MYOF: variants seen among roughly 807,000 people sequenced by gnomAD.
The protein encoded by MYOF is fer-1-like 3, myoferlin.
MYOF carries 244 observed loss-of-function variants against 284.2 expected under a neutral mutation model. The observed-to-expected ratio is 0.86, with a 90% CI of 0.77 to 0.95. The LOEUF is 0.95. Among genes scored for constraint, MYOF ranks in the 40% least tolerant of loss-of-function variants. MYOF has a pLI of 0.00. For synonymous variants in MYOF, 904 were observed against 919.7 expected (o/e 0.98, Z 0.31); for missense variants, 2,496 against 2,560.6 (o/e 0.97, Z 0.54).
chr10:93,453,446 G>C (rs950742309), intron 2 of MYOF, among the ~76,000 whole-genome samples: 1 of 151,918 alleles, frequency 6.6e-6, no homozygotes, highest in African/African-American at 2.4e-5. Context: ...TTATAGGCGT[G>C]AGCCACCGCA....
intron 21 of MYOF, among the ~76,000 whole-genome samples, chr10:93,379,014 C>T (rs1412072146): frequency 6.6e-6 from 1 of 152,026 alleles, no homozygotes; most frequent in African/African-American, 2.4e-5. Flanking sequence ...CTGCACCTGG[C>T]CCAAGTAACT....
At chr10:93,452,211 A>G (rs2134305913) in intron 2 of MYOF, 70 bp from the exon 3 acceptor site, 6 of 911,444 alleles carry the variant, frequency 6.6e-6, no homozygotes, top group Non-Finnish European at 1.1e-5. Flanking sequence ...TTACACTAAG[A>G]TGCACCAGTA....
intron 2 of MYOF, among the ~76,000 whole-genome samples, chr10:93,453,570 A>G (rs185616105): frequency 0.012 from 1,760 of 151,944 alleles, 33 homozygotes; most frequent in African/African-American, 0.04. Context: ...AAGTGCTGGG[A>G]TTACAGGCAT....
chr10:93,389,588 T>C (rs1401454735), intron 17 of MYOF, among the ~76,000 whole-genome samples: 1 of 152,260 alleles, frequency 6.6e-6, no homozygotes, highest in Non-Finnish European at 1.5e-5. Flanking sequence ...GTAGTTAGTA[T>C]AACTCTAGCA....
chr10:93,461,420 G>C (rs80008569), intron 1 of MYOF, among the ~76,000 whole-genome samples: 598 of 152,306 alleles, frequency 3.9e-3, no homozygotes, highest in African/African-American at 0.013. Flanking sequence ...GTGGCTATAC[G>C]GGACTGATAG....
At chr10:93,329,109 T>C (rs957532884) in intron 44 of MYOF, among the ~76,000 whole-genome samples, 198 bp from the exon 45 acceptor site, 1 of 152,122 alleles carries the variant, frequency 6.6e-6, no homozygotes, top group African/African-American at 2.4e-5. Context: ...GAGAAACAAA[T>C]GTATTTATTT....
chr10:93,321,911 A>T (rs1187171773), intron 48 of MYOF, among the ~76,000 whole-genome samples: 1 of 151,980 alleles, frequency 6.6e-6, no homozygotes, highest in Non-Finnish European at 1.5e-5. Context: ...TTTATTCCAA[A>T]TTTTGCAAGG....
intron 19 of MYOF, among the ~76,000 whole-genome samples, chr10:93,386,614 T>C (rs529695049): frequency 1.8e-4 from 28 of 152,250 alleles, no homozygotes; most frequent in African/African-American, 6.7e-4. Context: ...GGAATGAAAT[T>C]GGTGCAGCTC....
rs537807574 is a variant in MYOF at position 93,427,257 on chromosome 10, G to A, written c.346-1099C>T. Among the ~76,000 whole-genome samples, 18 of 151,692 alleles carry A rather than the reference G, an allele frequency of 1.2e-4. No homozygotes were observed. In the East Asian group the frequency reaches 3.3e-3, roughly 28 times the overall value. On this transcript the variant is annotated intron_variant, in intron 4 of 53. Coordinates refer to ENST00000359263, the MANE Select transcript of MYOF (RefSeq NM_013451.4). ...AGAACTTTAAGTGACTAACAAGGCTGGGTGCAATGGCTTGCACTTTTAATC... is the reference window on the plus strand; with the variant it reads ...AGAACTTTAAGTGACTAACAAGGCTAGGTGCAATGGCTTGCACTTTTAATC...
At position 93,451,922 on chromosome 10, in the gene MYOF, G is replaced by T; in HGVS notation, c.236+128C>A. On this transcript the variant is annotated intron_variant, in intron 3 of 53. Transcript: ENST00000359263. The stretch of plus-strand genomic sequence containing the variant: ...TGCTATTGGCTTAGAAGGGAGCGGG[G>T]CATGGAATTAAAGCACATTTATATT... 4.1e-6 allele frequency: 3 copies of T among 736,866 alleles called. No homozygotes were observed. In the South Asian group the frequency reaches 5.2e-5, roughly 13 times the overall value. The allele number at this position is 736,866 out of a possible 1,614,324, so 45.6% of individuals were successfully genotyped here.
chr10:93,405,824 GTC>G (rs1199461651), intron 7 of MYOF, among the ~76,000 whole-genome samples: 4 of 136,446 alleles, frequency 2.9e-5, no homozygotes, highest in Non-Finnish European at 4.6e-5. Context: ...TTTTGACGGA[GTC>G]TCTCTCTGTT....
At chr10:93,381,992 G>A (rs879560061) in intron 19 of MYOF, among the ~76,000 whole-genome samples, 4 of 152,088 alleles carry the variant, frequency 2.6e-5, no homozygotes, top group African/African-American at 4.8e-5. Context: ...AGCCGATATC[G>A]TGCCACTGCA....
At chr10:93,322,818 T>G (rs1842897402) in intron 48 of MYOF, among the ~76,000 whole-genome samples, 1 of 151,950 alleles carries the variant, frequency 6.6e-6, no homozygotes, top group Non-Finnish European at 1.5e-5. Context: ...CTGAAGAAAA[T>G]CCATTTTGTC....
chr10:93,475,258 G>A (rs1374881924), intron 1 of MYOF, among the ~76,000 whole-genome samples: 1 of 152,204 alleles, frequency 6.6e-6, no homozygotes, highest in Admixed American at 6.5e-5. Flanking sequence ...CAGTGCAACA[G>A]AACAGCTGTT....
In MYOF at chr10:93,439,621, C is replaced by A. The variant is rs577488315; in HGVS notation, c.237-8105G>T. ...TCAGGCTGCGTACAGGTTAACTTCT[C>A]CGAGCTTCAGTTTCCTCATCTATAA... On this transcript the variant is annotated intron_variant, in intron 3 of 53. Transcript: ENST00000359263. Among the ~76,000 whole-genome samples, 105 of 152,352 alleles carry A rather than the reference C, an allele frequency of 6.9e-4. No homozygotes were observed. The Middle Eastern group carries it at 0.01, about 15-fold the overall frequency.
rs1847474433 is a variant in MYOF, at chr10:93,404,720, GCTGGCATGAC to G, written c.730-511_730-502del. Among the ~76,000 whole-genome samples, 3 of 151,630 alleles carry G rather than the reference GCTGGCATGAC, an allele frequency of 2.0e-5. No homozygotes were observed. The South Asian group carries it at 6.3e-4, about 32-fold the overall frequency. On this transcript the variant is annotated intron_variant, in intron 7 of 53. Coordinates refer to ENST00000359263, the MANE Select transcript of MYOF (RefSeq NM_013451.4). ...ATGCTTATCAAAATGAGCGCTTAGAGCTGGCATGACCTGGAGTGTGTTTTAAATTTCTCTA... is the reference window on the plus strand; with the variant it reads ...ATGCTTATCAAAATGAGCGCTTAGAGCTGGAGTGTGTTTTAAATTTCTCTA...
chr10:93,382,291 T>TGCAATG (rs1564668391), intron 19 of MYOF, among the ~76,000 whole-genome samples: 1 of 151,900 alleles, frequency 6.6e-6, no homozygotes, highest in African/African-American at 2.4e-5. Flanking sequence ...TAGGTTGGAG[T>TGCAATG]GCAATGGCAT....
chr10:93,349,146 A>T (rs1225665570), intron 36 of MYOF, among the ~76,000 whole-genome samples: 1 of 151,526 alleles, frequency 6.6e-6, no homozygotes, highest in African/African-American at 2.5e-5. Context: ...TAGAGTAAAA[A>T]AGAAAGATTT....
chr10:93,308,865 C>A (rs1365581295), intron 53 of MYOF, among the ~76,000 whole-genome samples: 1 of 152,026 alleles, frequency 6.6e-6, no homozygotes, highest in South Asian at 2.1e-4. Context: ...GCATGTGCCA[C>A]CACACCCAAC....
Sources: allele counts gnomAD v4.1 joint callset (sites outside exome capture counted in the v4.1 genomes callset), GRCh38; gene constraint gnomAD v4.1.1; transcripts MANE v1.5; gene names NCBI Gene and HGNC (gene_info 2026-07-23, HGNC 2026-07-21).